The following REEP1 variants were observed in gnomAD, a reference collection of about 807,000 sequenced individuals.
The protein encoded by REEP1 is receptor accessory protein 1, also known as receptor expression-enhancing protein 1.
A neutral mutation model predicts 40.3 loss-of-function variants in REEP1; 22 were observed. The ratio of observed to expected loss-of-function variants is 0.55; its 90% CI spans 0.39 to 0.78. REEP1 has a LOEUF of 0.78. Ranked by LOEUF, REEP1 falls within the 30% of genes least tolerant of loss-of-function variation. The pLI is 0.00. For synonymous variants in REEP1, 116 were observed against 139.2 expected, an observed-to-expected ratio of 0.83 and a Z score of 1.17; for missense variants, 280 against 361.1, an observed-to-expected ratio of 0.78 and a Z score of 1.82.
In REEP1 at chr2:86,214,946, G is replaced by A. The variant is rs369820456; in HGVS notation, c.*2093C>T. 2.8e-5 allele frequency: 4 copies of A among 144,988 alleles called. No individual in the cohort carries two copies. Among genetic ancestry groups the A allele is most frequent in the African/African-American group, 1.0e-4 (4 of 39,350 alleles). The allele number at this position is 144,988 out of a possible 1,614,324, so 9.0% of individuals were successfully genotyped here. A position where few individuals can be genotyped will look rare whatever the true frequency, so the allele number is the denominator to read the frequency against. ...AATGGCGAAAATATAGGTTGTTCACGATAGGATTTTAAACTGCTGCTAAAG... is the reference window on the plus strand; with the variant it reads ...AATGGCGAAAATATAGGTTGTTCACAATAGGATTTTAAACTGCTGCTAAAG... On this transcript the variant is annotated 3_prime_UTR_variant, in exon 9 of 9. Coordinates refer to ENST00000538924, the MANE Select transcript of REEP1 (RefSeq NM_001371279.1).
chr2:86,292,631 T>C (rs768371412), intron 1 of REEP1, among the ~76,000 whole-genome samples: 6 of 152,158 alleles, frequency 3.9e-5, no homozygotes, highest in Non-Finnish European at 8.8e-5. Flanking sequence ...TGAAGGGTTA[T>C]GGTTTTCTCC....
intron 1 of REEP1, among the ~76,000 whole-genome samples, chr2:86,328,868 G>T (rs1680632726): frequency 6.6e-6 from 1 of 152,152 alleles, no homozygotes; most frequent in Admixed American, 6.5e-5. Context: ...GCGTCTAGGG[G>T]TGTGTTACAA....
In REEP1 at chr2:86,254,730, C is replaced by T; in HGVS notation, c.267G>A (p.Arg89=). Residue 89 remains arginine, a synonymous_variant, in exon 4 of 9, where the codon AGG becomes AGA. Transcript: ENST00000538924. ...PYTKGSSLLY[R]KFVHPTLSSK... ...AAGATAGCGTGGGATGTACAAACTT[C>T]CTGTACAGGAGGCTGGAGCCTTTTG... is the stretch of plus-strand genomic sequence containing the variant. 6.2e-7 allele frequency: 1 copy of T among 1,613,758 alleles called. No homozygotes were observed. Among genetic ancestry groups the T allele is most frequent in the Non-Finnish European group, 8.5e-7 (1 of 1,179,638 alleles).
chr2:86,241,614 TG>T (rs1217323282), intron 5 of REEP1, among the ~76,000 whole-genome samples: 2 of 152,054 alleles, frequency 1.3e-5, no homozygotes, highest in African/African-American at 4.8e-5. Flanking sequence ...TGTGTTGGGG[TG>T]GGGAGTGCTT....
chr2:86,298,073 C>T (rs568421153), intron 1 of REEP1, among the ~76,000 whole-genome samples: 10 of 152,274 alleles, frequency 6.6e-5, no homozygotes, highest in Middle Eastern at 3.4e-3. Flanking sequence ...CTAGCAGTCT[C>T]CAACATTTTA....
intron 5 of REEP1, among the ~76,000 whole-genome samples, chr2:86,234,899 G>A (rs1240876842): frequency 1.3e-5 from 2 of 152,158 alleles, no homozygotes; most frequent in Non-Finnish European, 2.9e-5. Context: ...ATTATTTTAC[G>A]CAGAAACATT....
chr2:86,290,289 G>A lies in REEP1; in HGVS notation c.33-8047C>T, dbSNP rs118110241. Among the ~76,000 whole-genome samples the A allele has an allele frequency of 2.6e-3, 397 of 152,250 alleles. 5 individuals are homozygous for A. In the East Asian group the frequency reaches 0.036, roughly 14 times the overall value. Reference sequence around the variant, plus strand: ...CGTTGCCAGGGTTAGATGGGGAGGTGGGAGGTTGACTCCAAGAATGTGAAG... The same window carrying A: ...CGTTGCCAGGGTTAGATGGGGAGGTAGGAGGTTGACTCCAAGAATGTGAAG... On this transcript the variant is annotated intron_variant, in intron 1 of 8. Transcript: ENST00000538924.
intron 1 of REEP1, among the ~76,000 whole-genome samples, chr2:86,299,157 TC>T (rs1679146392): frequency 6.6e-6 from 1 of 152,244 alleles, no homozygotes; most frequent in African/African-American, 2.4e-5. Context: ...CTCTGCTAAT[TC>T]CTGTCTACTC....
intron 1 of REEP1, among the ~76,000 whole-genome samples, chr2:86,306,126 A>G (rs1291658258): frequency 6.6e-6 from 1 of 151,930 alleles, no homozygotes; most frequent in Non-Finnish European, 1.5e-5. Context: ...TTTGAATGAC[A>G]CCATATGGAC....
chr2:86,262,138 C>T (rs532893147), intron 3 of REEP1, among the ~76,000 whole-genome samples: 12 of 152,314 alleles, frequency 7.9e-5, no homozygotes, highest in African/African-American at 2.2e-4. Context: ...CTCCATATGC[C>T]GAACGCTGGT....
intron 1 of REEP1, among the ~76,000 whole-genome samples, chr2:86,328,032 G>A (rs1251484185): frequency 2.0e-5 from 3 of 152,154 alleles, no homozygotes; most frequent in African/African-American, 4.8e-5. Flanking sequence ...TGAAGGCAGA[G>A]CTAGGAGAAC....
chr2:86,238,371 C>T (rs925077723), intron 5 of REEP1, among the ~76,000 whole-genome samples: 2 of 152,204 alleles, frequency 1.3e-5, no homozygotes, highest in African/African-American at 4.8e-5. Flanking sequence ...TCCCAGTTCC[C>T]TGTAAATGCT....
intron 5 of REEP1, among the ~76,000 whole-genome samples, chr2:86,250,608 G>C (rs1333594545): frequency 6.6e-6 from 1 of 152,068 alleles, no homozygotes; most frequent in Non-Finnish European, 1.5e-5. Context: ...TAAAGGGGCA[G>C]AGACCCCCTG....
chr2:86,249,694 C>G (rs953224009), intron 5 of REEP1, among the ~76,000 whole-genome samples: 1 of 152,190 alleles, frequency 6.6e-6, no homozygotes, highest in East Asian at 1.9e-4. Flanking sequence ...GGTGAGTCAT[C>G]ATCCTTTGAC....
At chr2:86,284,491 C>T (rs1186914286) in intron 1 of REEP1, among the ~76,000 whole-genome samples, 3 of 152,158 alleles carry the variant, frequency 2.0e-5, no homozygotes, top group African/African-American at 7.2e-5. Flanking sequence ...CCAGGGAACG[C>T]TCGTGACCTT....
intron 8 of REEP1, among the ~76,000 whole-genome samples, chr2:86,219,124 C>T (rs1249310388): frequency 2.0e-5 from 3 of 152,204 alleles, no homozygotes; most frequent in Non-Finnish European, 2.9e-5. Flanking sequence ...CCATCCACAT[C>T]CTACAACTGA....
intron 2 of REEP1, among the ~76,000 whole-genome samples, chr2:86,266,589 G>A (rs1440802639): frequency 3.3e-5 from 5 of 151,156 alleles, no homozygotes; most frequent in South Asian, 2.1e-4. Context: ...ACTGCAGTCC[G>A]CAGTCCGGCC....
intron 1 of REEP1, among the ~76,000 whole-genome samples, chr2:86,328,901 C>T (rs1416439447): frequency 1.3e-5 from 2 of 152,146 alleles, no homozygotes; most frequent in African/African-American, 2.4e-5. Flanking sequence ...TAGCAGTTGC[C>T]GTCTGCAGAT....
chr2:86,307,201 C>CAA (rs11289279), intron 1 of REEP1, among the ~76,000 whole-genome samples: 4 of 108,668 alleles, frequency 3.7e-5, no homozygotes, highest in Admixed American at 1.0e-4. Flanking sequence ...AATACTGTGT[C>CAA]AAAAAAAAAA....
Sources: allele counts gnomAD v4.1 joint callset (sites outside exome capture counted in the v4.1 genomes callset), GRCh38; gene constraint gnomAD v4.1.1; transcripts MANE v1.5; gene names NCBI Gene and HGNC (gene_info 2026-07-23, HGNC 2026-07-21).